RAB27B: variants seen among roughly 807,000 people sequenced by gnomAD.
The protein encoded by RAB27B is ras-related protein Rab-27B.
A neutral mutation model predicts 24.6 loss-of-function variants in RAB27B; 15 were observed. The observed-to-expected ratio is 0.61, with a 90% confidence interval of 0.41 to 0.94. RAB27B has a LOEUF of 0.94. RAB27B is among the 40% of genes least tolerant of loss of function. The probability of loss-of-function intolerance (pLI) is 0.00; values close to 1 mark genes in which losing one functional copy is unlikely to be tolerated. For missense variants in RAB27B, 261 were observed against 266.8 expected (o/e 0.98, Z 0.15); for synonymous variants, 105 against 92.5 (o/e 1.14, Z -0.78).
At position 54,879,454 on chromosome 18, in the gene RAB27B, G is replaced by A. The variant is rs370613157; in HGVS notation, c.239G>A (p.Arg80Gln). 2.2e-5 allele frequency: 35 copies of A among 1,607,766 alleles called. No individual in the cohort carries two copies. Among genetic ancestry groups the A allele is most frequent in the Admixed American group, 6.7e-5 (4 of 59,994 alleles). The change falls in exon 3 of 6, where the codon CGG becomes CAG. Residue 80 changes from arginine to glutamine, a missense_variant and splice_region_variant. Transcript: ENST00000262094. ...LQLWDTAGQE[R>Q]FRSLTTAFFR... ...CTTTGGGACACTGCGGGACAAGAGC[G>A]GTAATAGTAAATTGCTTTATTTGTG...
intron 3 of RAB27B, among the ~76,000 whole-genome samples, chr18:54,881,187 T>A (rs956070475): frequency 1.2e-4 from 18 of 152,280 alleles, no homozygotes; most frequent in African/African-American, 4.3e-4. Context: ...GCCAATACTA[T>A]GACACTGGAT....
chr18:54,817,157 G>A (rs1483792014), intron 2 of RAB27B, among the ~76,000 whole-genome samples: 31 of 152,168 alleles, frequency 2.0e-4, no homozygotes, highest in Non-Finnish European at 2.9e-5. Flanking sequence ...AAGGTAATTA[G>A]CAGATTCATT....
chr18:54,880,523 G>A (rs556477320), intron 3 of RAB27B: 2 of 152,238 alleles, frequency 1.3e-5, no homozygotes, highest in East Asian at 1.9e-4. Context: ...CTCGCTTTTA[G>A]CGAGTGTAAA....
chr18:54,736,825 C>A (rs1244018360), intron 2 of RAB27B, among the ~76,000 whole-genome samples: 4 of 152,068 alleles, frequency 2.6e-5, no homozygotes, highest in Non-Finnish European at 5.9e-5. Flanking sequence ...TTGAGTTTTT[C>A]ATTGGATAGG....
Position 54,890,996 on chromosome 18 carries a change from TATTA to T in RAB27B, c.*1584_*1587del. On this transcript the variant is annotated 3_prime_UTR_variant, in exon 6 of 6. Transcript: ENST00000262094. ...AAGACAATATATTTTCGTTTTTTTT[TATTA>T]TGAGCATATGATTTTTTGACAGGCT... 6.6e-6 allele frequency: 1 copy of T among 151,792 alleles called. No homozygotes were observed. The highest frequency in any genetic ancestry group is 1.9e-4 in the East Asian group (1 of 5,160). 9.4% of individuals were successfully genotyped at this position (151,792 alleles called of 1,614,324 possible).
At chr18:54,728,893 A>AC (rs1186402338) in intron 2 of RAB27B, among the ~76,000 whole-genome samples, 2 of 101,382 alleles carry the variant, frequency 2.0e-5, no homozygotes, top group Non-Finnish European at 2.1e-5. Context: ...AAAAAAAAAA[A>AC]AAAAAAACCC....
chr18:54,794,422 A>G (rs571225218), intron 2 of RAB27B, among the ~76,000 whole-genome samples: 5 of 152,366 alleles, frequency 3.3e-5, no homozygotes, highest in Non-Finnish European at 7.3e-5. Context: ...CAGTGGCTGT[A>G]TTAAAGGTGT....
chr18:54,858,560 T>C (rs1911883140), intron 1 of RAB27B, among the ~76,000 whole-genome samples: 1 of 152,026 alleles, frequency 6.6e-6, no homozygotes, highest in South Asian at 2.1e-4. Flanking sequence ...ATTTTTTCTT[T>C]TTTTATATAT....
chr18:54,815,875 C>T lies in RAB27B; in HGVS notation c.-19-61692C>T, dbSNP rs546160609. Among the ~76,000 whole-genome samples the T allele has an allele frequency of 4.1e-3, 618 of 152,214 alleles. 4 individuals carry two copies. The highest frequency in any genetic ancestry group is 6.8e-3 in the Non-Finnish European group (465 of 68,022). On this transcript the variant is annotated intron_variant, in intron 2 of 4. Coordinates refer to the RAB27B transcript ENST00000586570. ...CTGACCTCAAGTGATCCACCCACCT[C>T]GGCCTCCCAAAGTGCTGGGATTACA...
chr18:54,732,218 G>C (rs957138043), intron 2 of RAB27B, among the ~76,000 whole-genome samples: 20 of 152,142 alleles, frequency 1.3e-4, no homozygotes, highest in African/African-American at 4.8e-4. Flanking sequence ...TATTTAAATG[G>C]TACTTTTTCA....
At chr18:54,860,974 G>GC (rs1911986652) in intron 1 of RAB27B, among the ~76,000 whole-genome samples, 1 of 152,108 alleles carries the variant, frequency 6.6e-6, no homozygotes. Context: ...GAATCACATG[G>GC]CTCTGTGAGT....
intron 1 of RAB27B, among the ~76,000 whole-genome samples, chr18:54,836,423 T>G (rs73956705): frequency 0.31 from 46,669 of 151,482 alleles, 8,220 homozygotes; most frequent in African/African-American, 0.45. Context: ...CTAGATGGTG[T>G]TAGATTCTAG....
intron 2 of RAB27B, among the ~76,000 whole-genome samples, chr18:54,733,095 G>A (rs1455805977): frequency 6.6e-6 from 1 of 151,996 alleles, no homozygotes; most frequent in Non-Finnish European, 1.5e-5. Flanking sequence ...ACCCAGGCTG[G>A]AGTGTGGTGG....
At chr18:54,764,921 G>A (rs1208601270) in intron 2 of RAB27B, among the ~76,000 whole-genome samples, 1 of 152,214 alleles carries the variant, frequency 6.6e-6, no homozygotes, top group Non-Finnish European at 1.5e-5. Flanking sequence ...AAGACTGCTT[G>A]TGTCATTTTA....
At chr18:54,788,891 C>T (rs570676354) in intron 2 of RAB27B, among the ~76,000 whole-genome samples, 2 of 152,298 alleles carry the variant, frequency 1.3e-5, no homozygotes, top group South Asian at 4.1e-4. Context: ...GCTTGCATTG[C>T]AAGGAACTTG....
At chr18:54,815,528 C>A (rs1167294187) in intron 2 of RAB27B, among the ~76,000 whole-genome samples, 3 of 152,162 alleles carry the variant, frequency 2.0e-5, no homozygotes, top group Non-Finnish European at 4.4e-5. Flanking sequence ...AATCTGTGTA[C>A]CTGAGAATAG....
chr18:54,841,452 T>C (rs1911118249), intron 1 of RAB27B, among the ~76,000 whole-genome samples: 2 of 152,308 alleles, frequency 1.3e-5, no homozygotes, highest in South Asian at 2.1e-4. Flanking sequence ...TTTGAGCACA[T>C]GTGGATTTTA....
At chr18:54,772,021 C>T (rs1908567720) in intron 2 of RAB27B, among the ~76,000 whole-genome samples, 1 of 152,180 alleles carries the variant, frequency 6.6e-6, no homozygotes, top group Non-Finnish European at 1.5e-5. Flanking sequence ...TACACAAACA[C>T]ACTGGTTTAC....
chr18:54,868,730 G>C (rs1031870151), intron 1 of RAB27B, among the ~76,000 whole-genome samples: 7 of 152,004 alleles, frequency 4.6e-5, no homozygotes, highest in Non-Finnish European at 8.8e-5. Flanking sequence ...GGGTTCAAGT[G>C]ATTCTCCTGC....
Sources: gnomAD v4.1 joint callset for allele counts (sites outside exome capture counted in the v4.1 genomes callset) on GRCh38, gnomAD v4.1.1 for gene constraint, MANE v1.5 for transcripts, NCBI Gene and HGNC (gene_info 2026-07-23, HGNC 2026-07-21) for gene names.